Variants in CABIN1 observed in about 807,000 individuals in gnomAD.
The protein encoded by CABIN1 is calcineurin-binding protein cabin-1.
CABIN1 carries 133 observed loss-of-function variants against 227.7 expected under a neutral mutation model. The observed-to-expected ratio is 0.58, with a 90% CI of 0.51 to 0.67. The LOEUF (loss-of-function observed/expected upper bound fraction) is 0.67, where lower values mean the gene tolerates loss of function less well. CABIN1 is among the 30% of genes least tolerant of loss of function. The pLI is 0.00. For synonymous variants in CABIN1, 1,086 were observed against 1,155.1 expected, an observed-to-expected ratio of 0.94 and a Z score of 1.21; for missense variants, 2,408 against 2,852.5, an observed-to-expected ratio of 0.84 and a Z score of 3.55.
At chr22:24,107,685 G>A (rs2042589773) in intron 26 of CABIN1, among the ~76,000 whole-genome samples, 1 of 152,218 alleles carries the variant, frequency 6.6e-6, no homozygotes, top group African/African-American at 2.4e-5. Flanking sequence ...TTAGCACTTT[G>A]AGAGTAAATA....
intron 28 of CABIN1, among the ~76,000 whole-genome samples, chr22:24,130,571 A>G (rs964787023): frequency 8.5e-5 from 13 of 152,114 alleles, no homozygotes; most frequent in African/African-American, 1.4e-4. Context: ...GGCAGGTTCT[A>G]TGCTGCAGGT....
intron 28 of CABIN1, among the ~76,000 whole-genome samples, chr22:24,120,742 G>A (rs1034969232): frequency 6.6e-6 from 1 of 152,216 alleles, no homozygotes; most frequent in African/African-American, 2.4e-5. Context: ...GAACCCGGGA[G>A]GCAGAGGTTG....
At chr22:24,163,368 G>T (rs968143848) in intron 29 of CABIN1, among the ~76,000 whole-genome samples, 5 of 152,138 alleles carry the variant, frequency 3.3e-5, no homozygotes, top group African/African-American at 9.7e-5. Flanking sequence ...TGGATAATCA[G>T]CAAGGACCCA....
chr22:24,173,965 C>T (rs2046970481), intron 34 of CABIN1, among the ~76,000 whole-genome samples: 1 of 150,776 alleles, frequency 6.6e-6, no homozygotes, highest in Non-Finnish European at 1.5e-5. Context: ...TGCTGCTTGG[C>T]GTTAAGCAGA....
In CABIN1 at chr22:24,166,946, A is replaced by T; in HGVS notation, c.5315A>T (p.Asp1772Val). ...DTSEATVCHS[D>V]LERTPPLLPG... ...AGTGAGGCCACTGTTTGCCACTCAG[A>T]CTTGGAGCGGACACCACCCCTGCTG... The change falls in exon 32 of 37, where the codon GAC (aspartate) becomes GTC (valine). Residue 1772 changes from aspartate (D) to valine (V), a missense_variant. Asp to Val is a radical substitution (Grantham distance 152, BLOSUM62 -3). Transcript: ENST00000263119. 1 of 1,598,566 alleles carries T rather than the reference A, an allele frequency of 6.3e-7. No individual in the cohort carries two copies. The highest frequency in any genetic ancestry group is 8.5e-7 in the Non-Finnish European group (1 of 1,173,220).
chr22:24,142,736 C>T (rs1332526746), intron 29 of CABIN1, among the ~76,000 whole-genome samples: 1 of 152,200 alleles, frequency 6.6e-6, no homozygotes, highest in Non-Finnish European at 1.5e-5. Flanking sequence ...CCACACCACT[C>T]CAGGCTGCAA....
Position 24,095,988 on chromosome 22 carries a change from G to T in CABIN1, c.3844G>T (p.Val1282Phe). 1 of 1,614,134 alleles carries T rather than the reference G, an allele frequency of 6.2e-7. No individual in the cohort carries two copies. The highest frequency in any genetic ancestry group is 8.5e-7 in the Non-Finnish European group (1 of 1,180,010). ...LKLLGKPDSG[V>F]GAEVLVNFMK... ...GCTCCTGGGGAAGCCCGATTCTGGG[G>T]TTGGTGCAGAGGTCCTGGTCAACTT... Residue 1282 changes from valine to phenylalanine, a missense_variant, in exon 25 of 37, where the codon GTT becomes TTT. Val to Phe is a conservative substitution (Grantham distance 50). Coordinates refer to ENST00000263119, the MANE Select transcript of CABIN1 (RefSeq NM_012295.4).
At chr22:24,112,350 G>A (rs1464820655) in intron 26 of CABIN1, among the ~76,000 whole-genome samples, 1 of 152,166 alleles carries the variant, frequency 6.6e-6, no homozygotes, top group African/African-American at 2.4e-5. Flanking sequence ...TACCTTTAGT[G>A]CCCCAGTGGT....
At chr22:24,172,021 G>A (rs1407956632) in intron 34 of CABIN1, 26 bp downstream of exon 34, 7 of 1,600,198 alleles carry the variant, frequency 4.4e-6, no homozygotes, top group African/African-American at 4.0e-5. Context: ...GTCCAGAGCT[G>A]GGCCCAGGCC....
intron 1 of CABIN1, among the ~76,000 whole-genome samples, chr22:24,016,441 A>G (rs1187102838): frequency 6.6e-6 from 1 of 152,194 alleles, no homozygotes; most frequent in Admixed American, 6.5e-5. Flanking sequence ...TGTTGCTATG[A>G]ACATTGCCTC....
At chr22:24,056,118 A>G in intron 9 of CABIN1, 74 bp from the exon 10 acceptor site, 1 of 1,250,798 alleles carries the variant, frequency 8.0e-7, no homozygotes, top group South Asian at 1.2e-5. Flanking sequence ...AAAGAGGGAG[A>G]TTGATGTGTC....
Position 24,091,656 on chromosome 22 carries a change from A to G in CABIN1, c.3599A>G (p.Asp1200Gly), listed in dbSNP as rs763889820. The G allele has an allele frequency of 1.1e-5, 17 of 1,614,098 alleles. No homozygotes were observed. In the East Asian group the frequency reaches 3.1e-4, roughly 30 times the overall value. ...CFTSAARCEG[D>G]GDEEEWLIHY... ...ACATCAGCAGCCCGCTGCGAGGGTG[A>G]TGGTGACGAGGAGGAGTGGCTCATC... The change falls in exon 24 of 37, where the codon GAT becomes GGT. Residue 1200 changes from aspartate (D) to glycine (G), a missense_variant. Physicochemically the swap from Asp to Gly is moderately conservative, Grantham distance 94. This residue lies in a region of CABIN1 where 649 missense variants were observed against 910.3 expected (regional missense o/e 0.71). Coordinates refer to ENST00000263119, the MANE Select transcript of CABIN1 (RefSeq NM_012295.4).
intron 31 of CABIN1, among the ~76,000 whole-genome samples, 200 bp from the exon 32 acceptor site, chr22:24,166,439 G>A (rs2046452063): frequency 6.6e-6 from 1 of 152,202 alleles, no homozygotes; most frequent in East Asian, 1.9e-4. Context: ...TGCAGAGGAG[G>A]GAAGGCCTTT....
At chr22:24,076,069 A>G (rs2040418003) in intron 18 of CABIN1, 100 bp from the exon 19 acceptor site, 3 of 796,020 alleles carry the variant, frequency 3.8e-6, no homozygotes, top group Non-Finnish European at 6.5e-6. Flanking sequence ...ATGTTGATAA[A>G]GACAGAAAAG....
intron 19 of CABIN1, 63 bp from the exon 20 acceptor site, chr22:24,083,165 G>C (rs200017363): frequency 1.3e-4 from 198 of 1,565,068 alleles, no homozygotes; most frequent in Admixed American, 2.3e-4. Context: ...CTGGGGCCCT[G>C]CTGTGACAGG....
At position 24,134,297 on chromosome 22, in the gene CABIN1, C is replaced by T. The variant is rs1279489799; in HGVS notation, c.4633-5C>T. ...TCACTTTCAACCTACTTCTTGTTTCCCCAGAACCTCCAGTGGGCCCGCGAC... is the reference window on the plus strand; with the variant it reads ...TCACTTTCAACCTACTTCTTGTTTCTCCAGAACCTCCAGTGGGCCCGCGAC... On this transcript the variant is annotated splice_region_variant and splice_polypyrimidine_tract_variant and intron_variant, in intron 28 of 36. Transcript: ENST00000263119. 3 of 1,612,156 alleles carry T rather than the reference C, an allele frequency of 1.9e-6. No homozygotes were observed. The highest frequency in any genetic ancestry group is 1.6e-4 in the Middle Eastern group (1 of 6,080).
intron 28 of CABIN1, among the ~76,000 whole-genome samples, chr22:24,129,419 A>G (rs913984974): frequency 6.6e-6 from 1 of 152,114 alleles, no homozygotes; most frequent in African/African-American, 2.4e-5. Flanking sequence ...GGCCCCAGGG[A>G]GCATAGTGCT....
At chr22:24,032,337 T>C (rs117417336) in intron 1 of CABIN1, among the ~76,000 whole-genome samples, 2,895 of 152,372 alleles carry the variant, frequency 0.019, 36 homozygotes, top group South Asian at 0.036. Flanking sequence ...TTGTTAAGTT[T>C]GAATAGTATT....
chr22:24,080,829 G>A (rs913854046), intron 19 of CABIN1, among the ~76,000 whole-genome samples: 18 of 152,220 alleles, frequency 1.2e-4, no homozygotes, highest in African/African-American at 3.9e-4. Flanking sequence ...ATTTTAGTGG[G>A]TGGTAGACTT....
Sources: allele counts gnomAD v4.1 joint callset (sites outside exome capture counted in the v4.1 genomes callset), GRCh38; gene constraint gnomAD v4.1.1; regional missense constraint gnomAD v4.1.1; transcripts MANE v1.5; gene names NCBI Gene and HGNC (gene_info 2026-07-23, HGNC 2026-07-21).